Variants in CASC3 observed in about 807,000 individuals in gnomAD.
The protein encoded by CASC3 is protein CASC3.
CASC3 carries 30 observed loss-of-function variants against 80.5 expected under a neutral mutation model. The observed-to-expected ratio is 0.37, with a 90% CI of 0.28 to 0.51. The LOEUF (loss-of-function observed/expected upper bound fraction) is 0.51. Among genes scored for constraint, CASC3 ranks in the 20% least tolerant of loss-of-function variants. The probability of loss-of-function intolerance (pLI) is 0.94; values close to 1 mark genes in which losing one functional copy is unlikely to be tolerated. For synonymous variants in CASC3, 312 were observed against 333.6 expected (o/e 0.94, Z 0.70); for missense variants, 824 against 922.2 (o/e 0.89, Z 1.38).
intron 3 of CASC3, among the ~76,000 whole-genome samples, chr17:40,159,318 T>C (rs990554266): frequency 6.6e-6 from 1 of 152,170 alleles, no homozygotes; most frequent in Non-Finnish European, 1.5e-5. Flanking sequence ...GTACTACTAT[T>C]TTTGAATATA....
In CASC3 at chr17:40,162,882, C is replaced by G. The variant is rs144795376; in HGVS notation, c.766C>G (p.Arg256Gly). 6.2e-7 allele frequency: 1 copy of G among 1,613,708 alleles called. No individual in the cohort carries two copies. Among genetic ancestry groups the G allele is most frequent in the East Asian group, 2.2e-5 (1 of 44,862 alleles). The part of the protein sequence containing the change: ...SAHNPDDIKP[R>G]RIRKPRYGSP... ...TCATAATCCTGATGACATCAAACCT[C>G]GAAGAATCCGGAAACCCCGGTGAGG... Residue 256 changes from arginine to glycine, a missense_variant, in exon 6 of 14, where the codon CGA becomes GGA. Coordinates refer to ENST00000264645, the MANE Select transcript of CASC3 (RefSeq NM_007359.5).
At position 40,140,582 on chromosome 17, in the gene CASC3, G is replaced by A. The variant is rs1988678993; in HGVS notation, c.34G>A (p.Asp12Asn). 1 of 1,609,712 alleles carries A rather than the reference G, an allele frequency of 6.2e-7. No homozygotes were observed. The highest frequency in any genetic ancestry group is 1.7e-5 in the Admixed American group (1 of 59,958). Residue 12 changes from aspartate (D) to asparagine (N), a missense_variant, in exon 1 of 14, where the codon GAC (aspartate) becomes AAC (asparagine). Physicochemically the swap from Asp to Asn is conservative, Grantham distance 23. Coordinates refer to ENST00000264645, the MANE Select transcript of CASC3 (RefSeq NM_007359.5). The stretch of plus-strand genomic sequence containing the variant: ...CCGGCGGCGGCAGCGCGCTTCGCAA[G>A]ACACCGAGGACGAGGAATCTGGTGC... ...ADRRRQRASQ[D>N]TEDEESGASG...
At chr17:40,147,496 A>C (rs967161533) in intron 3 of CASC3, among the ~76,000 whole-genome samples, 4 of 152,014 alleles carry the variant, frequency 2.6e-5, no homozygotes, top group Non-Finnish European at 5.9e-5. Context: ...TAGAAAAAAA[A>C]ATTATCCGGT....
At chr17:40,169,293 CT>C (rs779444417) in intron 11 of CASC3, 30 bp from the exon 12 acceptor site, 1 of 1,503,236 alleles carries the variant, frequency 6.7e-7, no homozygotes, top group East Asian at 2.5e-5. Context: ...TCATTCCTAA[CT>C]TTTTCTTCTC....
intron 3 of CASC3, among the ~76,000 whole-genome samples, chr17:40,149,944 A>G (rs2059123202): frequency 6.6e-6 from 1 of 152,120 alleles, no homozygotes; most frequent in South Asian, 2.1e-4. Context: ...GGGAATAGAT[A>G]ATAATATTAA....
chr17:40,146,372 CT>C (rs1259069365), intron 3 of CASC3, among the ~76,000 whole-genome samples: 1 of 151,422 alleles, frequency 6.6e-6, no homozygotes, highest in Non-Finnish European at 1.5e-5. Flanking sequence ...AAGATAACTT[CT>C]TGGCTAACTT....
rs558339252 is a variant in CASC3 at position 40,172,096 on chromosome 17, T to G, written c.*1691T>G. 2.4e-4 allele frequency: 306 copies of G among 1,289,994 alleles called. No homozygotes were observed. The highest frequency in any genetic ancestry group is 1.3e-3 in the Admixed American group (57 of 43,566). 79.9% of individuals were successfully genotyped at this position (1,289,994 alleles called of 1,614,324 possible). ...TTTTTCCATGTGTGGTGGTGTTTTT[T>G]GTTACTGTTTTAAAGGGTGCCCATT... is the stretch of plus-strand genomic sequence containing the variant. On this transcript the variant is annotated 3_prime_UTR_variant, in exon 14 of 14. Coordinates refer to ENST00000264645, the MANE Select transcript of CASC3 (RefSeq NM_007359.5).
chr17:40,168,271 T>A lies in CASC3; in HGVS notation c.1819T>A (p.Ser607Thr), dbSNP rs758684641. The A allele has an allele frequency of 5.0e-6, 8 of 1,613,986 alleles. No individual in the cohort carries two copies. In the East Asian group the frequency reaches 1.8e-4, roughly 36 times the overall value. Residue 607 changes from serine to threonine, a missense_variant, in exon 11 of 14, where the codon TCT becomes ACT. Ser to Thr is a moderately conservative substitution (Grantham distance 58, BLOSUM62 1). Around this residue, in one of 3 missense-constraint regions of CASC3, gnomAD observed 464 missense variants for 506.0 expected, o/e 0.92. Coordinates refer to ENST00000264645, the MANE Select transcript of CASC3 (RefSeq NM_007359.5). ...PGLYPPPVSM[S>T]PGQPPPQQLL... The stretch of plus-strand genomic sequence containing the variant: ...CCTCTATCCCCCACCAGTGTCCATG[T>A]CTCCAGGACAGCCACCACCTCAGCA...
At chr17:40,152,823 C>A (rs1477651028) in intron 3 of CASC3, among the ~76,000 whole-genome samples, 1 of 152,134 alleles carries the variant, frequency 6.6e-6, no homozygotes, top group African/African-American at 2.4e-5. Context: ...GTAGCCCAGG[C>A]TGGAGTGCAG....
At chr17:40,166,928 A>G in intron 8 of CASC3, 67 bp downstream of exon 8, 1 of 1,169,002 alleles carries the variant, frequency 8.6e-7, no homozygotes, top group Non-Finnish European at 1.2e-6. Context: ...CATTGTTTAA[A>G]CCAAGATAAG....
rs762839620 is a variant in CASC3, at chr17:40,166,854, A to G, written c.1529A>G (p.Glu510Gly). Reference sequence around the variant, plus strand: ...CCTCCACCTCAGTTTAACCGGATGGAAGAAATGGTACAGAAGGGGAAAGGG... The same window carrying G: ...CCTCCACCTCAGTTTAACCGGATGGGAGAAATGGTACAGAAGGGGAAAGGG... The part of the protein sequence containing the change: ...AGPPPQFNRM[E>G]EMGVQGGRAK... Residue 510 changes from glutamate to glycine, a missense_variant, in exon 8 of 14, where the codon GAA becomes GGA. Around this residue, in one of 3 missense-constraint regions of CASC3, gnomAD observed 464 missense variants for 506.0 expected, o/e 0.92. Transcript: ENST00000264645. The G allele has an allele frequency of 1.2e-6, 2 of 1,606,820 alleles. No homozygotes were observed. The highest frequency in any genetic ancestry group is 2.2e-5 in the South Asian group (2 of 89,454).
rs1333342271 is a variant in CASC3, at chr17:40,171,983, C to G, written c.*1578C>G. The G allele has an allele frequency of 7.8e-7, 1 of 1,289,880 alleles. No individual in the cohort carries two copies. Among genetic ancestry groups the G allele is most frequent in the Admixed American group, 2.3e-5 (1 of 43,558 alleles). The allele number at this position is 1,289,880 out of a possible 1,614,324, so 79.9% of individuals were successfully genotyped here. On this transcript the variant is annotated 3_prime_UTR_variant, in exon 14 of 14. Coordinates refer to ENST00000264645, the MANE Select transcript of CASC3 (RefSeq NM_007359.5). Reference sequence around the variant, plus strand: ...TGCCTTAAACCTGAAGATGTCTCCTCAAGCCTGTGGGCAGCATGCCCAGAT... The same window carrying G: ...TGCCTTAAACCTGAAGATGTCTCCTGAAGCCTGTGGGCAGCATGCCCAGAT...
In CASC3 at chr17:40,171,356, AG is replaced by A; in HGVS notation, c.*954del. ...AGTCTTTTGAGGTAAGTGGAATTAG[AG>A]GGCCTTGCTTCTCTTCTTTCCATTC... On this transcript the variant is annotated 3_prime_UTR_variant, in exon 14 of 14. Transcript: ENST00000264645. The A allele has an allele frequency of 1.0e-6, 1 of 985,974 alleles. No homozygotes were observed. The highest frequency in any genetic ancestry group is 1.2e-6 in the Non-Finnish European group (1 of 829,978). 61.1% of individuals were successfully genotyped at this position (985,974 alleles called of 1,614,324 possible). A position where few individuals can be genotyped will look rare whatever the true frequency, so the allele number is the denominator to read the frequency against.
intron 7 of CASC3, among the ~76,000 whole-genome samples, chr17:40,166,228 C>G (rs1329413689): frequency 6.6e-6 from 1 of 152,168 alleles, no homozygotes; most frequent in African/African-American, 2.4e-5. Context: ...TTCCCTTAGT[C>G]TGAAATCTAA....
intron 13 of CASC3, 78 bp downstream of exon 13, chr17:40,169,740 TG>T: frequency 1.9e-5 from 5 of 256,744 alleles, no homozygotes; most frequent in South Asian, 1.2e-4. Context: ...ACTTAATTAA[TG>T]CTTTTTTTTT....
rs561339351 is a variant in CASC3 at position 40,153,020 on chromosome 17, C to G, written c.298-8733C>G. 2.0e-5 allele frequency among the ~76,000 whole-genome samples: 3 copies of G among 152,150 alleles called. No individual in the cohort carries two copies. In the South Asian group the frequency reaches 6.2e-4, roughly 32 times the overall value. ...TCGAACTCCTGACCTCATGATCTGC[C>G]CACCTCGGCCTCCCAAAGTGCTGGG... is the stretch of plus-strand genomic sequence containing the variant. On this transcript the variant is annotated intron_variant, in intron 3 of 13. Coordinates refer to ENST00000264645, the MANE Select transcript of CASC3 (RefSeq NM_007359.5).
At chr17:40,161,055 C>T (rs935609603) in intron 3 of CASC3, among the ~76,000 whole-genome samples, 8 of 152,008 alleles carry the variant, frequency 5.3e-5, no homozygotes, top group African/African-American at 1.4e-4. Context: ...TCTCTGCTCA[C>T]TGCAAGCTCT....
chr17:40,150,394 T>C (rs985319760), intron 3 of CASC3, among the ~76,000 whole-genome samples: 4 of 143,876 alleles, frequency 2.8e-5, no homozygotes, highest in African/African-American at 1.1e-4. Context: ...TGACATCTGC[T>C]TCAAAAAGTA....
chr17:40,161,820 C>A lies in CASC3; in HGVS notation c.365C>A (p.Ala122Asp). The A allele has an allele frequency of 1.9e-6, 3 of 1,613,986 alleles. No individual in the cohort carries two copies. Among genetic ancestry groups the A allele is most frequent in the Non-Finnish European group, 2.5e-6 (3 of 1,179,904 alleles). Residue 122 changes from alanine (A) to aspartate (D), a missense_variant, in exon 4 of 14, where the codon GCT becomes GAT. Coordinates refer to ENST00000264645, the MANE Select transcript of CASC3 (RefSeq NM_007359.5). Reference protein sequence around the residue: ...KVELKSEANDAVNSSTKEEKG... With the variant: ...KVELKSEANDDVNSSTKEEKG... ...GAGCTGAAATCAGAAGCTAATGATG[C>A]TGTTAATTCTTCAACAAAAGAAGAG...
Sources: gnomAD v4.1 joint callset for allele counts (sites outside exome capture counted in the v4.1 genomes callset) on GRCh38, gnomAD v4.1.1 for gene constraint, gnomAD v4.1.1 regional missense constraint, MANE v1.5 for transcripts, NCBI Gene and HGNC (gene_info 2026-07-23, HGNC 2026-07-21) for gene names.